The following ZNF771 variants were observed in gnomAD, a reference collection of about 807,000 sequenced individuals.
ZNF771 encodes zinc finger protein 771, also known as mesenchymal stem cell protein DSC43.
Under a neutral mutation model 27.6 loss-of-function variants are expected in ZNF771, and 10 were observed. That is an observed-to-expected ratio of 0.36 (90% confidence interval 0.22 to 0.61). ZNF771 has a LOEUF of 0.61. ZNF771 is among the 20% of genes least tolerant of loss of function. The pLI, the probability that ZNF771 is intolerant of heterozygous loss-of-function variation, is 0.70. For missense variants in ZNF771, 438 were observed against 503.7 expected (o/e 0.87, Z 1.25); for synonymous variants, 261 against 225.2 (o/e 1.16, Z -1.43).
chr16:30,412,333 A>C, intron 2 of ZNF771, among the ~76,000 whole-genome samples: 1 of 152,198 alleles, frequency 6.6e-6, no homozygotes, highest in Admixed American at 6.5e-5. Flanking sequence ...AGTGATGTTG[A>C]TGTTGCTGGT....
Position 30,408,026 on chromosome 16 carries a change from A to T in ZNF771, c.-9-19A>T. On this transcript the variant is annotated intron_variant, in intron 1 of 2. Transcript: ENST00000319296. ...GGGGGGGGCGGGTCCTGAGCTTCTG[A>T]TCCAGCTCCCCGCCTCAGGACACCA... The T allele has an allele frequency of 7.4e-7, 1 of 1,344,202 alleles. No individual in the cohort carries two copies. Among genetic ancestry groups the T allele is most frequent in the Non-Finnish European group, 9.9e-7 (1 of 1,006,116 alleles). The allele number at this position is 1,344,202 out of a possible 1,614,324, so 83.3% of individuals were successfully genotyped here.
Position 30,408,087 on chromosome 16 carries a change from G to A in ZNF771, c.34G>A (p.Glu12Lys). The change falls in exon 2 of 3, where the codon GAG becomes AAG. Residue 12 changes from glutamate (E) to lysine (K), a missense_variant. By Grantham distance (56) the Glu-to-Lys change is moderately conservative. This residue lies in a region of ZNF771 where 84 missense variants were observed against 89.2 expected (regional missense o/e 0.94). Coordinates refer to ENST00000319296, the MANE Select transcript of ZNF771 (RefSeq NM_001142305.2). ...CGAACAGCAGGCAGAGGAAGAGGAG[G>A]AGGAAGAGATGCAGGAGGAGATGGT... ...PGEQQAEEEE[E>K]EEMQEEMVLL... The A allele has an allele frequency of 6.2e-7, 1 of 1,610,682 alleles. No individual in the cohort carries two copies. Among genetic ancestry groups the A allele is most frequent in the Non-Finnish European group, 8.5e-7 (1 of 1,178,028 alleles).
Position 30,418,452 on chromosome 16 carries a change from T to C in ZNF771, c.*85T>C. The stretch of plus-strand genomic sequence containing the variant: ...TCCTCCTCGCCCCGGCCTCCGGGTC[T>C]GGGAAATTGAGGGGACGGCAGGCCC... On this transcript the variant is annotated 3_prime_UTR_variant, in exon 3 of 3. Transcript: ENST00000319296. 3.8e-6 allele frequency: 5 copies of C among 1,306,336 alleles called. 1 individual carries two copies. In the South Asian group the frequency reaches 9.0e-5, roughly 24 times the overall value. The allele number at this position is 1,306,336 out of a possible 1,614,324, so 80.9% of individuals were successfully genotyped here.
intron 2 of ZNF771, among the ~76,000 whole-genome samples, chr16:30,415,303 G>C (rs2050127580): frequency 6.6e-6 from 1 of 150,866 alleles, no homozygotes; most frequent in African/African-American, 2.4e-5. Flanking sequence ...ACTACCTTTT[G>C]ACAAACTATC....
rs2050148391 is a variant in ZNF771 at position 30,418,212 on chromosome 16, C to T, written c.799C>T (p.Arg267Cys). Reference protein sequence around the residue: ...RPYPCAECGRRFRLSSHFIRH... With the variant: ...RPYPCAECGRCFRLSSHFIRH... The stretch of plus-strand genomic sequence containing the variant: ...CTACCCCTGCGCCGAGTGCGGCCGC[C>T]GCTTCCGCCTAAGCTCGCACTTCAT... Residue 267 changes from arginine (R) to cysteine (C), a missense_variant, in exon 3 of 3, where the codon CGC becomes TGC. Physicochemically the swap from Arg to Cys is radical, Grantham distance 180 (BLOSUM62 -3). This residue lies in a region of ZNF771 where 305 missense variants were observed against 308.0 expected (regional missense o/e 0.99). Coordinates refer to ENST00000319296, the MANE Select transcript of ZNF771 (RefSeq NM_001142305.2). 3 of 1,507,340 alleles carry T rather than the reference C, an allele frequency of 2.0e-6. No individual in the cohort carries two copies. The highest frequency in any genetic ancestry group is 2.6e-6 in the Non-Finnish European group (3 of 1,134,748). 93.4% of individuals were successfully genotyped at this position (1,507,340 alleles called of 1,614,324 possible).
rs2050149148 is a variant in ZNF771, at chr16:30,418,275, A to G, written c.862A>G (p.Ile288Val). Residue 288 changes from isoleucine (I) to valine (V), a missense_variant, in exon 3 of 3, where the codon ATT (isoleucine) becomes GTT (valine). Physicochemically the swap from Ile to Val is conservative, Grantham distance 29. Coordinates refer to ENST00000319296, the MANE Select transcript of ZNF771 (RefSeq NM_001142305.2). ...CGCGCACATGCGGCGCCGCCTGTAT[A>G]TTTGCGCCGGCTGCGGCAGGGACTT... ...RRAHMRRRLY[I>V]CAGCGRDFKL... is the part of the protein sequence containing the mutation. 1.3e-6 allele frequency: 2 copies of G among 1,509,036 alleles called. No homozygotes were observed. Among genetic ancestry groups the G allele is most frequent in the Admixed American group, 4.1e-5 (2 of 48,372 alleles). 93.5% of individuals were successfully genotyped at this position (1,509,036 alleles called of 1,614,324 possible). A position where few individuals can be genotyped will look rare whatever the true frequency, so the allele number is the denominator to read the frequency against.
intron 2 of ZNF771, among the ~76,000 whole-genome samples, chr16:30,417,333 T>C (rs1376603120): frequency 1.3e-5 from 2 of 152,170 alleles, no homozygotes; most frequent in Admixed American, 6.5e-5. Flanking sequence ...TAAATATTGG[T>C]TGAATTAATA....
chr16:30,418,326 G>A lies in ZNF771; in HGVS notation c.913G>A (p.Ala305Thr). 6.8e-7 allele frequency: 1 copy of A among 1,472,860 alleles called. No individual in the cohort carries two copies. The highest frequency in any genetic ancestry group is 9.0e-7 in the Non-Finnish European group (1 of 1,115,340). 91.2% of individuals were successfully genotyped at this position (1,472,860 alleles called of 1,614,324 possible). Residue 305 changes from alanine (A) to threonine (T), a missense_variant, in exon 3 of 3, where the codon GCC becomes ACC. Physicochemically the swap from Ala to Thr is moderately conservative, Grantham distance 58 (BLOSUM62 0). Transcript: ENST00000319296. ...CAAGCTGCCCCCTGGCGCCACGGCC[G>A]CCACTGCCACCGAGCGTTGCCCGGA... Reference protein sequence around the residue: ...DFKLPPGATAATATERCPECE... With the variant: ...DFKLPPGATATTATERCPECE...
chr16:30,409,557 CT>C (rs137868620), intron 2 of ZNF771, among the ~76,000 whole-genome samples: 6,115 of 152,258 alleles, frequency 0.04, 448 homozygotes, highest in African/African-American at 0.14. Flanking sequence ...CAGCAGAGGG[CT>C]TTGGCCCCAG....
In ZNF771 at chr16:30,418,221, C is replaced by T. The variant is rs534543495; in HGVS notation, c.808C>T (p.Leu270=). ...CGCCGAGTGCGGCCGCCGCTTCCGC[C>T]TAAGCTCGCACTTCATTCGCCACCG... The part of the protein sequence containing the change: ...PCAECGRRFR[L]SSHFIRHRRA... Residue 270 remains leucine, a synonymous_variant, in exon 3 of 3, where the codon CTA becomes TTA. Coordinates refer to ENST00000319296, the MANE Select transcript of ZNF771 (RefSeq NM_001142305.2). The T allele has an allele frequency of 5.1e-5, 77 of 1,513,382 alleles. No individual in the cohort carries two copies. In the Middle Eastern group the frequency reaches 1.7e-3, roughly 33 times the overall value. 93.7% of individuals were successfully genotyped at this position (1,513,382 alleles called of 1,614,324 possible). A position where few individuals can be genotyped will look rare whatever the true frequency, so the allele number is the denominator to read the frequency against.
chr16:30,410,024 C>T (rs963509785), intron 2 of ZNF771, among the ~76,000 whole-genome samples: 4 of 152,058 alleles, frequency 2.6e-5, no homozygotes, highest in Middle Eastern at 3.2e-3. Context: ...AAAATAAACA[C>T]GGAAATAGTT....
intron 2 of ZNF771, chr16:30,414,113 G>C (rs112861132): frequency 6.6e-6 from 1 of 152,102 alleles, no homozygotes; most frequent in African/African-American, 2.4e-5. Context: ...AGGGTGCCAA[G>C]GAAAAACGGG....
At chr16:30,417,046 T>C (rs1463759262) in intron 2 of ZNF771, among the ~76,000 whole-genome samples, 1 of 152,054 alleles carries the variant, frequency 6.6e-6, no homozygotes, top group East Asian at 1.9e-4. Context: ...TTTCTTGCCA[T>C]TTCTGGAACA....
intron 2 of ZNF771, chr16:30,413,660 CT>C: frequency 2.6e-6 from 1 of 383,904 alleles, no homozygotes; most frequent in Non-Finnish European, 5.4e-6. Context: ...GCCTTGAACT[CT>C]TGGGCTCAAG....
intron 2 of ZNF771, among the ~76,000 whole-genome samples, chr16:30,411,940 T>A (rs1335400369): frequency 6.6e-6 from 1 of 152,192 alleles, no homozygotes; most frequent in African/African-American, 2.4e-5. Flanking sequence ...AAACCCAATC[T>A]ATCTTTTAGA....
In ZNF771 at chr16:30,418,192, C is replaced by T. The variant is rs765696112; in HGVS notation, c.779C>T (p.Pro260Leu). The T allele has an allele frequency of 1.2e-5, 18 of 1,505,736 alleles. No individual in the cohort carries two copies. The East Asian group carries it at 3.5e-4, about 29-fold the overall frequency. The allele number at this position is 1,505,736 out of a possible 1,614,324, so 93.3% of individuals were successfully genotyped here. The change falls in exon 3 of 3, where the codon CCC becomes CTC. Residue 260 changes from proline (P) to leucine (L), a missense_variant. Around this residue, in one of 3 missense-constraint regions of ZNF771, gnomAD observed 305 missense variants for 308.0 expected, o/e 0.99. Transcript: ENST00000319296. The part of the protein sequence containing the change: ...ARTHTGERPY[P>L]CAECGRRFRL... ...ACGCACACAGGCGAGCGGCCCTACC[C>T]CTGCGCCGAGTGCGGCCGCCGCTTC...
chr16:30,419,250 A>AAC lies in ZNF771; in HGVS notation c.*883_*884insAC, dbSNP rs150712221. The AAC allele has an allele frequency of 0.13, 19,438 of 144,524 alleles. 1,385 individuals are homozygous for AAC. The highest frequency in any genetic ancestry group is 0.21 in the South Asian group (961 of 4,632). The allele number at this position is 144,524 out of a possible 1,614,324, so 9.0% of individuals were successfully genotyped here. A position where few individuals can be genotyped will look rare whatever the true frequency, so the allele number is the denominator to read the frequency against. On this transcript the variant is annotated 3_prime_UTR_variant, in exon 3 of 3. Transcript: ENST00000319296. ...GACTGCCTCAAACAAACAAAAAACA[A>AAC]CAAACCAAACCAAACCAAACCAAAA...
In ZNF771 at chr16:30,419,006, C is replaced by G. The variant is rs2050153426; in HGVS notation, c.*639C>G. 6.6e-6 allele frequency: 1 copy of G among 152,236 alleles called. No individual in the cohort carries two copies. 9.4% of individuals were successfully genotyped at this position (152,236 alleles called of 1,614,324 possible). ...ATCCCAGCACTTTGGGAGGGCGAGG[C>G]TAGCAGATCACTTGAGGTTAGGAGT... On this transcript the variant is annotated 3_prime_UTR_variant, in exon 3 of 3. Transcript: ENST00000319296.
At chr16:30,408,339 A>G (rs2151122963) in intron 2 of ZNF771, 145 bp downstream of exon 2, 2 of 1,142,886 alleles carry the variant, frequency 1.7e-6, no homozygotes, top group Middle Eastern at 2.4e-4. Flanking sequence ...CTTCTGCCCT[A>G]CTGCCTGGGC....
Sources: gnomAD v4.1 joint callset for allele counts (sites outside exome capture counted in the v4.1 genomes callset) on GRCh38, gnomAD v4.1.1 for gene constraint, gnomAD v4.1.1 regional missense constraint, MANE v1.5 for transcripts, NCBI Gene and HGNC (gene_info 2026-07-23, HGNC 2026-07-21) for gene names.